GADL1: variants seen among roughly 807,000 people sequenced by gnomAD.
GADL1 encodes the protein GAD like acidic amino acid decarboxylase 1.
Under a neutral mutation model 69.5 loss-of-function variants are expected in GADL1, and 71 were observed. The observed-to-expected ratio is 1.02, with a 90% CI of 0.84 to 1.25. GADL1 has a LOEUF of 1.25. GADL1 is among the 50% of genes most tolerant of loss of function. The pLI is 0.00. For synonymous variants in GADL1, 254 were observed against 214.4 expected (o/e 1.18, Z -1.62); for missense variants, 737 against 631.8 (o/e 1.17, Z -1.79).
chr3:30,800,501 A>T (rs976138478), intron 12 of GADL1: 1 of 194,460 alleles, frequency 5.1e-6, no homozygotes, highest in African/African-American at 2.4e-5. Context: ...TCTTCATTAG[A>T]TCTCAGTTGA....
chr3:30,850,089 A>G lies in GADL1; in HGVS notation c.558T>C (p.Tyr186=). The part of the protein sequence containing the change: ...FNPGGSVSNM[Y]AMNLARYKYC... ...ATTTGTATCTAGCTAAATTCATTGC[A>G]TACATATTGGACACTGAGCCACCTG... Residue 186 remains tyrosine, a synonymous_variant, in exon 6 of 15, where the codon TAT becomes TAC. Transcript: ENST00000282538. The G allele has an allele frequency of 6.2e-7, 1 of 1,606,478 alleles. No individual in the cohort carries two copies. Among genetic ancestry groups the G allele is most frequent in the South Asian group, 1.1e-5 (1 of 90,924 alleles).
At chr3:30,886,395 T>G (rs879618228) in intron 1 of GADL1, among the ~76,000 whole-genome samples, 4 of 152,078 alleles carry the variant, frequency 2.6e-5, no homozygotes, top group Non-Finnish European at 4.4e-5. Context: ...GTATCCATAG[T>G]TTCTGCAGAA....
chr3:30,736,266 C>T (rs564891624), intron 14 of GADL1, among the ~76,000 whole-genome samples: 1 of 152,252 alleles, frequency 6.6e-6, no homozygotes, highest in East Asian at 1.9e-4. Context: ...ACCGACCATA[C>T]ACAGACCAAC....
chr3:30,763,501 C>A (rs1696190150), intron 14 of GADL1, among the ~76,000 whole-genome samples: 1 of 17,830 alleles, frequency 5.6e-5, no homozygotes, highest in Non-Finnish European at 8.9e-5. Context: ...GACTCCGTCT[C>A]GGCGGCGGGG....
intron 1 of GADL1, among the ~76,000 whole-genome samples, chr3:30,878,487 A>T (rs1403631167): frequency 6.6e-6 from 1 of 151,940 alleles, no homozygotes; most frequent in Non-Finnish European, 1.5e-5. Context: ...CCTTAAACAA[A>T]CAGGCTGGAA....
intron 11 of GADL1, among the ~76,000 whole-genome samples, chr3:30,805,758 T>TTTG (rs1553640487): frequency 2.1e-5 from 3 of 143,314 alleles, no homozygotes; most frequent in Non-Finnish European, 4.5e-5. Flanking sequence ...TTTTTTTTTT[T>TTTG]GGGCACCAGG....
chr3:30,754,763 T>G (rs946792455), intron 14 of GADL1, among the ~76,000 whole-genome samples: 6 of 152,198 alleles, frequency 3.9e-5, no homozygotes, highest in Non-Finnish European at 8.8e-5. Flanking sequence ...TTAACAGAGA[T>G]AAACTGGCAA....
At chr3:30,870,747 T>C (rs62233366) in intron 1 of GADL1, among the ~76,000 whole-genome samples, 21,596 of 151,278 alleles carry the variant, frequency 0.14, 1,689 homozygotes, top group South Asian at 0.18. Context: ...GGGAGATATT[T>C]AGGTGATAAA....
intron 1 of GADL1, among the ~76,000 whole-genome samples, chr3:30,879,102 G>C (rs1228778279): frequency 6.6e-6 from 1 of 151,802 alleles, no homozygotes; most frequent in Admixed American, 6.6e-5. Context: ...TGGTACCTTT[G>C]TCCCTGGGCA....
chr3:30,770,184 T>C (rs1395789917), intron 14 of GADL1, among the ~76,000 whole-genome samples: 2 of 152,186 alleles, frequency 1.3e-5, no homozygotes, highest in African/African-American at 4.8e-5. Flanking sequence ...GCTCCTCTCA[T>C]TTATGCTACT....
At chr3:30,819,964 T>G (rs537625836) in intron 11 of GADL1, among the ~76,000 whole-genome samples, 4 of 152,116 alleles carry the variant, frequency 2.6e-5, no homozygotes, top group African/African-American at 9.6e-5. Flanking sequence ...GTTTTATAAT[T>G]AAATTTCCTG....
Position 30,875,827 on chromosome 3 carries a change from C to T in GADL1, c.38-14062G>A, listed in dbSNP as rs981439822. ...ACATACCAGCATATTGCAGTTTATC[C>T]TCACTCTCTTCTCATCTAGATGCTT... is the stretch of plus-strand genomic sequence containing the variant. On this transcript the variant is annotated intron_variant, in intron 1 of 14. Transcript: ENST00000282538. Among the ~76,000 whole-genome samples, 14 of 151,906 alleles carry T rather than the reference C, an allele frequency of 9.2e-5. No individual in the cohort carries two copies. The East Asian group carries it at 2.5e-3, about 28-fold the overall frequency.
At chr3:30,769,179 C>T (rs1696357726) in intron 14 of GADL1, among the ~76,000 whole-genome samples, 1 of 152,140 alleles carries the variant, frequency 6.6e-6, no homozygotes. Context: ...GTCACTCAGT[C>T]ATTATTACAG....
chr3:30,795,295 A>G (rs1697010176), intron 12 of GADL1, among the ~76,000 whole-genome samples: 1 of 152,168 alleles, frequency 6.6e-6, no homozygotes, highest in Non-Finnish European at 1.5e-5. Context: ...GCTACTTCAC[A>G]TTATGCACAT....
intron 14 of GADL1, among the ~76,000 whole-genome samples, chr3:30,747,909 C>T (rs1695732133): frequency 6.6e-6 from 1 of 152,108 alleles, no homozygotes; most frequent in Admixed American, 6.6e-5. Context: ...ATCACTAGGG[C>T]CACTAATGAT....
intron 12 of GADL1, among the ~76,000 whole-genome samples, chr3:30,796,444 A>G (rs17026603): frequency 0.076 from 11,551 of 152,202 alleles, 1,407 homozygotes; most frequent in African/African-American, 0.26. Context: ...CAGTGCCGAG[A>G]GAGAGCAGGT....
intron 11 of GADL1, among the ~76,000 whole-genome samples, chr3:30,821,672 C>T (rs1322162399): frequency 6.6e-6 from 1 of 151,378 alleles, no homozygotes; most frequent in Non-Finnish European, 1.5e-5. Flanking sequence ...AGAAAAAATC[C>T]CCAGTGGAAG....
intron 13 of GADL1, among the ~76,000 whole-genome samples, chr3:30,785,732 C>T (rs930440872): frequency 6.6e-6 from 1 of 152,170 alleles, no homozygotes; most frequent in African/African-American, 2.4e-5. Context: ...GTTATTTTTA[C>T]ATTAGGTTAA....
At chr3:30,764,165 C>T (rs34120340) in intron 14 of GADL1, among the ~76,000 whole-genome samples, 66,663 of 151,174 alleles carry the variant, frequency 0.44, 14,617 homozygotes, top group African/African-American at 0.46. Flanking sequence ...TGATTTTATA[C>T]TTAAAGTTTT....
Sources: allele counts gnomAD v4.1 joint callset (sites outside exome capture counted in the v4.1 genomes callset), GRCh38; gene constraint gnomAD v4.1.1; transcripts MANE v1.5; gene names NCBI Gene and HGNC (gene_info 2026-07-23, HGNC 2026-07-21).